Variants in CERS5 observed in about 807,000 individuals in gnomAD.
CERS5 encodes ceramide synthase 5, also known as LAG1 homolog, ceramide synthase 5.
A neutral mutation model predicts 58.9 loss-of-function variants in CERS5; 37 were observed. That is an observed-to-expected ratio of 0.63 (90% CI 0.48 to 0.83). CERS5 has a LOEUF of 0.83. Ranked by LOEUF, CERS5 falls within the 40% of genes least tolerant of loss-of-function variation. The pLI is 0.00. For synonymous variants in CERS5, 147 were observed against 177.8 expected, an observed-to-expected ratio of 0.83 and a Z score of 1.38; for missense variants, 398 against 489.3, an observed-to-expected ratio of 0.81 and a Z score of 1.76.
Position 50,143,714 on chromosome 12 carries a change from G to C in CERS5, c.303+238C>G, listed in dbSNP as rs1044659356. On this transcript the variant is annotated intron_variant, in intron 2 of 9. Coordinates refer to ENST00000317551, the MANE Select transcript of CERS5 (RefSeq NM_147190.5). ...ATGGTATGTGTCTGGGGAAAGAGGGGTAAGGGTGGCTGCTGGGCCTAAAAC... is the reference window on the plus strand; with the variant it reads ...ATGGTATGTGTCTGGGGAAAGAGGGCTAAGGGTGGCTGCTGGGCCTAAAAC... 8.9e-6 allele frequency: 4 copies of C among 448,098 alleles called. No individual in the cohort carries two copies. In the Admixed American group the frequency reaches 1.4e-4, roughly 16 times the overall value. 27.8% of individuals were successfully genotyped at this position (448,098 alleles called of 1,614,324 possible).
intron 1 of CERS5, among the ~76,000 whole-genome samples, chr12:50,163,982 CAG>C (rs1939593838): frequency 8.2e-6 from 1 of 122,470 alleles, no homozygotes; most frequent in Non-Finnish European, 1.7e-5. Flanking sequence ...TTTTTTGAGA[CAG>C]AGTTTTCCTC....
At chr12:50,142,177 G>C (rs1182152776) in intron 3 of CERS5, 67 bp from the exon 4 acceptor site, 3 of 1,048,340 alleles carry the variant, frequency 2.9e-6, no homozygotes, top group Non-Finnish European at 4.3e-6. Context: ...GGCTACGGAA[G>C]TCAAGATAGC....
At chr12:50,165,852 T>C (rs1414304495) in intron 1 of CERS5, 2 of 413,520 alleles carry the variant, frequency 4.8e-6, no homozygotes, top group Non-Finnish European at 9.7e-6. Context: ...ATGTCTCCTT[T>C]CTTGGAGTCT....
chr12:50,150,260 C>T (rs950520034), intron 1 of CERS5, among the ~76,000 whole-genome samples: 1 of 152,158 alleles, frequency 6.6e-6, no homozygotes, highest in Non-Finnish European at 1.5e-5. Flanking sequence ...ACTGCGGAGG[C>T]TGAGGCAGGA....
chr12:50,165,144 G>A (rs1261970334), intron 1 of CERS5: 1 of 152,224 alleles, frequency 6.6e-6, no homozygotes, highest in Non-Finnish European at 1.5e-5. Context: ...ACAAGGCCGG[G>A]CGCGGCGGTT....
At chr12:50,159,783 G>T (rs908519925) in intron 1 of CERS5, among the ~76,000 whole-genome samples, 1 of 151,770 alleles carries the variant, frequency 6.6e-6, no homozygotes, top group African/African-American at 2.4e-5. Context: ...TAGTGATGGG[G>T]TTTCACCATG....
intron 4 of CERS5, 99 bp downstream of exon 4, chr12:50,141,954 A>T (rs570303805): frequency 1.3e-6 from 1 of 764,978 alleles, no homozygotes; most frequent in African/African-American, 1.8e-5. Flanking sequence ...AAAAAAAAAA[A>T]AAAAGAAAAG....
At chr12:50,148,301 T>C (rs1952417061) in intron 1 of CERS5, among the ~76,000 whole-genome samples, 1 of 151,432 alleles carries the variant, frequency 6.6e-6, no homozygotes, top group African/African-American at 2.4e-5. Context: ...AGATCCTGTC[T>C]CAAAAATAAA....
At position 50,138,565 on chromosome 12, in the gene CERS5, A is replaced by G. The variant is rs1565775002; in HGVS notation, c.543+2T>C. The G allele has an allele frequency of 1.2e-6, 2 of 1,613,548 alleles. No homozygotes were observed. Among genetic ancestry groups the G allele is most frequent in the Non-Finnish European group, 1.7e-6 (2 of 1,179,512 alleles). On this transcript the variant is annotated splice_donor_variant, in intron 5 of 9. Coordinates refer to ENST00000317551, the MANE Select transcript of CERS5 (RefSeq NM_147190.5). LOFTEE classifies it high-confidence loss of function. ...CCTATCCTGAAACGACTCAGATCCT[A>G]CCTGAAATGGATAGTTATGCCAGCA...
Position 50,130,458 on chromosome 12 carries a change from G to A in CERS5, c.*87C>T, listed in dbSNP as rs186131570. On this transcript the variant is annotated 3_prime_UTR_variant, in exon 10 of 10. Transcript: ENST00000317551. ...AGTGCCTTGCAGTCTCCCAATCACA[G>A]AAGAGTAGATATGGGAAGGGCCAAG... 4 of 1,240,336 alleles carry A rather than the reference G, an allele frequency of 3.2e-6. No individual in the cohort carries two copies. In the East Asian group the frequency reaches 1.0e-4, roughly 32 times the overall value. 76.8% of individuals were successfully genotyped at this position (1,240,336 alleles called of 1,614,324 possible). A position where few individuals can be genotyped will look rare whatever the true frequency, so the allele number is the denominator to read the frequency against.
At chr12:50,144,751 C>T in intron 1 of CERS5, 1 of 1,466,958 alleles carries the variant, frequency 6.8e-7, no homozygotes. Flanking sequence ...GGCATATAAA[C>T]TTGGTAAAAT....
At chr12:50,140,339 A>G (rs1277023516) in intron 4 of CERS5, among the ~76,000 whole-genome samples, 1 of 132,032 alleles carries the variant, frequency 7.6e-6, no homozygotes, top group African/African-American at 3.0e-5. Context: ...GCTGGAGTGA[A>G]GTGGCATGAT....
At chr12:50,140,839 AT>A (rs200589306) in intron 4 of CERS5, among the ~76,000 whole-genome samples, 3,749 of 134,812 alleles carry the variant, frequency 0.028, 124 homozygotes, top group African/African-American at 0.09. Context: ...ACCCTTAGTG[AT>A]TTTTTTTTTT....
At chr12:50,164,994 T>C (rs1176600975) in intron 1 of CERS5, 1 of 141,500 alleles carries the variant, frequency 7.1e-6, no homozygotes, top group Non-Finnish European at 1.6e-5. Flanking sequence ...TACATTGCCT[T>C]CCTCCTTTTT....
Position 50,130,645 on chromosome 12 carries a change from T to C in CERS5, c.1079A>G (p.Asp360Gly). The C allele has an allele frequency of 6.2e-7, 1 of 1,611,980 alleles. No individual in the cohort carries two copies. ...SDVESSSEEE[D>G]VTTCTKSPCD... ...GGGACTTTTTGTGCAGGTGGTCACA[T>C]CTTCTTCCTCTGAGCTGCTCTCCAC... The change falls in exon 10 of 10, where the codon GAT (aspartate) becomes GGT (glycine). Residue 360 changes from aspartate (D) to glycine (G), a missense_variant. Physicochemically the swap from Asp to Gly is moderately conservative, Grantham distance 94. Transcript: ENST00000317551.
At chr12:50,133,083 C>G in intron 9 of CERS5, 1 of 1,288,344 alleles carries the variant, frequency 7.8e-7, no homozygotes, top group South Asian at 1.2e-5. Context: ...GAAAGAAAAG[C>G]AGGAGAGAAC....
At chr12:50,158,060 CAAAA>C (rs11388385) in intron 1 of CERS5, among the ~76,000 whole-genome samples, 3 of 81,368 alleles carry the variant, frequency 3.7e-5, no homozygotes, top group African/African-American at 9.5e-5. Context: ...AGACCATGAC[CAAAA>C]AAAAAAAAAA....
intron 1 of CERS5, among the ~76,000 whole-genome samples, chr12:50,149,364 T>G (rs929485938): frequency 2.0e-5 from 3 of 152,224 alleles, no homozygotes; most frequent in Non-Finnish European, 4.4e-5. Context: ...ATTAGATTTG[T>G]CCTGCTTTGT....
chr12:50,154,716 A>G (rs1440565301), intron 1 of CERS5, among the ~76,000 whole-genome samples: 1 of 151,878 alleles, frequency 6.6e-6, no homozygotes, highest in African/African-American at 2.4e-5. Context: ...TTTTGTGGAG[A>G]ACGAGGTCTT....
Sources: gnomAD v4.1 joint callset for allele counts (sites outside exome capture counted in the v4.1 genomes callset) on GRCh38, gnomAD v4.1.1 for gene constraint, MANE v1.5 for transcripts, NCBI Gene and HGNC (gene_info 2026-07-23, HGNC 2026-07-21) for gene names.